BICD1: variants seen among roughly 807,000 people sequenced by gnomAD.
BICD1 encodes BICD cargo adaptor 1.
A neutral mutation model predicts 92.5 loss-of-function variants in BICD1; 35 were observed. The ratio of observed to expected loss-of-function variants is 0.38; its 90% CI spans 0.29 to 0.50. BICD1 has a LOEUF of 0.50. Ranked by LOEUF, BICD1 falls within the 20% of genes least tolerant of loss-of-function variation. BICD1 has a pLI of 0.93. For synonymous variants in BICD1, 429 were observed against 465.1 expected (o/e 0.92, Z 1.00); for missense variants, 950 against 1,189.8 (o/e 0.80, Z 2.97).
intron 1 of BICD1, among the ~76,000 whole-genome samples, chr12:32,207,970 G>C (rs992027874): frequency 3.3e-5 from 5 of 152,210 alleles, no homozygotes; most frequent in Admixed American, 2.6e-4. Flanking sequence ...GGAAGCAACA[G>C]CTTGCCAGTG....
chr12:32,328,592 A>G lies in BICD1; in HGVS notation c.2100+37A>G. On this transcript the variant is annotated intron_variant, in intron 5 of 9. Coordinates refer to ENST00000652176, the MANE Select transcript of BICD1 (RefSeq NM_001714.4). The surrounding 1 kb of genome is among the most constrained non-coding windows in gnomAD (Gnocchi z 4.4). ...CTACTGGTGAAAGCATGCCAGTCAAAGCTTTCTTAACTAATTTATTCCCTA... is the reference window on the plus strand; with the variant it reads ...CTACTGGTGAAAGCATGCCAGTCAAGGCTTTCTTAACTAATTTATTCCCTA... The G allele has an allele frequency of 1.3e-6, 2 of 1,572,184 alleles. No homozygotes were observed. The highest frequency in any genetic ancestry group is 1.7e-6 in the Non-Finnish European group (2 of 1,158,650).
chr12:32,211,035 A>G (rs1354014687), intron 1 of BICD1, among the ~76,000 whole-genome samples: 1 of 152,214 alleles, frequency 6.6e-6, no homozygotes, highest in East Asian at 1.9e-4. Flanking sequence ...GCCCAATTCT[A>G]GTTGCTGACA....
At chr12:32,352,144 G>T (rs543451885) in intron 8 of BICD1, among the ~76,000 whole-genome samples, 4 of 152,224 alleles carry the variant, frequency 2.6e-5, no homozygotes, top group African/African-American at 9.6e-5. Context: ...GGTGGAGGTT[G>T]CAGTGAGCCG....
chr12:32,263,315 G>A (rs956435955), intron 2 of BICD1, among the ~76,000 whole-genome samples: 9 of 152,084 alleles, frequency 5.9e-5, no homozygotes, highest in Admixed American at 3.9e-4. Flanking sequence ...TTGGGAGGCC[G>A]AGGCGGGTGG....
chr12:32,296,252 TTTTG>T (rs1309541258), intron 3 of BICD1, among the ~76,000 whole-genome samples: 2,077 of 41,980 alleles, frequency 0.049, 81 homozygotes, highest in African/African-American at 0.083. Flanking sequence ...AGGGGTTTTT[TTTTG>T]TTTTTTTTTT....
Position 32,342,192 on chromosome 12 carries a change from ATG to A in BICD1, c.2764+3225_2764+3226del, listed in dbSNP as rs1185218186. 7.5e-3 allele frequency among the ~76,000 whole-genome samples: 826 copies of A among 109,980 alleles called. 2 individuals carry two copies. The highest frequency in any genetic ancestry group is 0.011 in the Non-Finnish European group (648 of 56,910). 72.2% of individuals were successfully genotyped at this position (109,980 alleles called of 152,430 possible). ...TATATATATATGTGTGTATATATAT[ATG>A]TGTGTGTGTGTATATATATATATAT... On this transcript the variant is annotated intron_variant, in intron 8 of 9. Coordinates refer to ENST00000652176, the MANE Select transcript of BICD1 (RefSeq NM_001714.4).
intron 2 of BICD1, among the ~76,000 whole-genome samples, chr12:32,226,926 C>T (rs1277965842): frequency 7.2e-5 from 11 of 152,204 alleles, no homozygotes; most frequent in Admixed American, 7.2e-4. Flanking sequence ...TGTGGGCTCA[C>T]AGTTTCTGGA....
chr12:32,131,636 G>A (rs370192408), intron 1 of BICD1, among the ~76,000 whole-genome samples: 1 of 152,284 alleles, frequency 6.6e-6, no homozygotes, highest in East Asian at 1.9e-4. Context: ...ACAAAAAGGG[G>A]AACTTGGTGT....
At chr12:32,323,570 T>A (rs1193163654) in intron 4 of BICD1, among the ~76,000 whole-genome samples, 2 of 152,202 alleles carry the variant, frequency 1.3e-5, no homozygotes, top group South Asian at 2.1e-4. Flanking sequence ...AGTACTATCA[T>A]TTGGGAATAA....
intron 1 of BICD1, among the ~76,000 whole-genome samples, chr12:32,153,271 A>T (rs1943342246): frequency 1.3e-5 from 2 of 152,190 alleles, no homozygotes; most frequent in Admixed American, 1.3e-4. Context: ...GCTGCATAGA[A>T]TTCCATGGTG....
Position 32,379,652 on chromosome 12 carries a change from CT to C in BICD1, c.*2028del. ...GAAAGAAAGCTTACCCCTGCCCTCA[CT>C]TTGTGTTTTTTATTTTTCCCCCTTT... is the stretch of plus-strand genomic sequence containing the variant. On this transcript the variant is annotated 3_prime_UTR_variant, in exon 10 of 10. Transcript: ENST00000652176. 6.6e-6 allele frequency: 1 copy of C among 152,330 alleles called. No homozygotes were observed. The highest frequency in any genetic ancestry group is 2.1e-4 in the South Asian group (1 of 4,820). The allele number at this position is 152,330 out of a possible 1,614,324, so 9.4% of individuals were successfully genotyped here.
intron 1 of BICD1, among the ~76,000 whole-genome samples, chr12:32,161,980 G>A (rs1424839966): frequency 2.0e-5 from 3 of 152,074 alleles, no homozygotes; most frequent in African/African-American, 7.2e-5. Flanking sequence ...AGATACTTTC[G>A]CAGGTTCCAG....
chr12:32,117,711 T>TATATACAC (rs1555126355), intron 1 of BICD1, among the ~76,000 whole-genome samples: 27 of 117,040 alleles, frequency 2.3e-4, no homozygotes, highest in African/African-American at 7.5e-4. Context: ...CAAATATATA[T>TATATACAC]ACACACACAC....
rs760090008 is a variant in BICD1, at chr12:32,107,282, A to C, written c.-50A>C. On this transcript the variant is annotated 5_prime_UTR_variant, in exon 1 of 10. Transcript: ENST00000652176. ...TTCTCCCTTTCCCCGCCAGCTTCGC[A>C]TCCATCTCCCCCACCCCGTAACCCC... The C allele has an allele frequency of 1.4e-5, 20 of 1,470,842 alleles. No individual in the cohort carries two copies. The highest frequency in any genetic ancestry group is 3.7e-5 in the South Asian group (3 of 80,140). 91.1% of individuals were successfully genotyped at this position (1,470,842 alleles called of 1,614,324 possible).
intron 2 of BICD1, among the ~76,000 whole-genome samples, chr12:32,285,306 G>A (rs1947532921): frequency 6.6e-6 from 1 of 152,036 alleles, no homozygotes; most frequent in Non-Finnish European, 1.5e-5. Context: ...ATTTTACCAT[G>A]TTATATCATT....
intron 2 of BICD1, among the ~76,000 whole-genome samples, chr12:32,228,763 C>T (rs571489352): frequency 9.9e-5 from 15 of 152,190 alleles, no homozygotes; most frequent in Admixed American, 2.0e-4. Context: ...GCTTGACCAA[C>T]GTGAAAAATG....
chr12:32,284,353 A>G (rs1472660600), intron 2 of BICD1, among the ~76,000 whole-genome samples: 2 of 152,186 alleles, frequency 1.3e-5, no homozygotes, highest in Non-Finnish European at 2.9e-5. Context: ...TTTATAGGAT[A>G]CATCATTGAC....
intron 2 of BICD1, among the ~76,000 whole-genome samples, chr12:32,285,991 A>G (rs1010782142): frequency 6.6e-6 from 1 of 152,246 alleles, no homozygotes; most frequent in Non-Finnish European, 1.5e-5. Context: ...AAAATAAATA[A>G]GACCAGTTTT....
chr12:32,173,352 G>T (rs2121517039), intron 1 of BICD1, among the ~76,000 whole-genome samples: 1 of 152,212 alleles, frequency 6.6e-6, no homozygotes, highest in South Asian at 2.1e-4. Flanking sequence ...GCCCGGCCCA[G>T]GCAGAGTTTT....
Sources: allele counts gnomAD v4.1 joint callset (sites outside exome capture counted in the v4.1 genomes callset), GRCh38; gene constraint gnomAD v4.1.1; non-coding constraint Gnocchi (gnomAD v3.1); transcripts MANE v1.5; gene names NCBI Gene and HGNC (gene_info 2026-07-23, HGNC 2026-07-21).